Variants in ATXN8OS observed in about 807,000 individuals in gnomAD.
ATXN8OS encodes ATXN8 opposite strand (non-protein coding).
intron 1 of ATXN8OS, among the ~76,000 whole-genome samples, chr13:70,111,995 T>C (rs1222361635): frequency 6.6e-6 from 1 of 152,196 alleles, no homozygotes; most frequent in East Asian, 1.9e-4. Flanking sequence ...AAAATAAGTT[T>C]AATCAGCTCA....
chr13:70,150,017 C>A (rs1373811034), intron 4 of ATXN8OS, among the ~76,000 whole-genome samples: 1 of 152,096 alleles, frequency 6.6e-6, no homozygotes, highest in African/African-American at 2.4e-5. Flanking sequence ...TCACAGACAA[C>A]CTTCTATGGC....
chr13:70,168,499 C>T (rs141549488), intron 4 of ATXN8OS, among the ~76,000 whole-genome samples: 1 of 151,938 alleles, frequency 6.6e-6, no homozygotes, highest in African/African-American at 2.4e-5. Flanking sequence ...CATGAACCAA[C>T]TTCTCTTTAT....
At chr13:70,131,053 T>C (rs1888526022) in intron 3 of ATXN8OS, 1 of 398,390 alleles carries the variant, frequency 2.5e-6, no homozygotes, top group African/African-American at 2.1e-5. Flanking sequence ...CAGGTGATTA[T>C]TCTTTGACCA....
chr13:70,111,159 C>G (rs1888194454), intron 1 of ATXN8OS, among the ~76,000 whole-genome samples: 1 of 152,138 alleles, frequency 6.6e-6, no homozygotes, highest in Admixed American at 6.6e-5. Context: ...ATACAAAACT[C>G]TTCGCATAAG....
At chr13:70,160,318 T>A (rs1009408124) in intron 4 of ATXN8OS, among the ~76,000 whole-genome samples, 1 of 152,114 alleles carries the variant, frequency 6.6e-6, no homozygotes, top group Admixed American at 6.6e-5. Context: ...AATTTTGGTT[T>A]ATCATTATAA....
intron 3 of ATXN8OS, among the ~76,000 whole-genome samples, chr13:70,140,303 GGAGT>G (rs1447517950): frequency 5.9e-5 from 9 of 152,058 alleles, no homozygotes; most frequent in East Asian, 1.9e-4. Flanking sequence ...AAAAGTTACT[GGAGT>G]AAGTATTCGA....
At chr13:70,149,519 T>C (rs1418183124) in intron 4 of ATXN8OS, among the ~76,000 whole-genome samples, 2 of 152,124 alleles carry the variant, frequency 1.3e-5, no homozygotes, top group East Asian at 3.8e-4. Flanking sequence ...GAAGAAACTG[T>C]TTCCTGGAAT....
At chr13:70,170,579 C>A (rs1230057013) in exon 5 of ATXN8OS, among the ~76,000 whole-genome samples, 1 of 152,092 alleles carries the variant, frequency 6.6e-6, no homozygotes, top group South Asian at 2.1e-4. Context: ...ACAACCTAAC[C>A]ATCTCAAGGG....
chr13:70,130,583 A>G, intron 3 of ATXN8OS: 1 of 397,334 alleles, frequency 2.5e-6, no homozygotes, highest in Non-Finnish European at 4.4e-6. Flanking sequence ...TGAGATACCA[A>G]TGGTGGGTGT....
chr13:70,123,384 C>T (rs1014776255), intron 2 of ATXN8OS, among the ~76,000 whole-genome samples: 2 of 152,034 alleles, frequency 1.3e-5, no homozygotes, highest in African/African-American at 4.8e-5. Context: ...TCTCTAGTCA[C>T]TAGAGTGAAT....
At chr13:70,138,257 C>T (rs1223080583) in intron 3 of ATXN8OS, among the ~76,000 whole-genome samples, 1 of 151,890 alleles carries the variant, frequency 6.6e-6, no homozygotes, top group Non-Finnish European at 1.5e-5. Flanking sequence ...AATTCAGTTA[C>T]TTGTACCTTC....
intron 4 of ATXN8OS, among the ~76,000 whole-genome samples, chr13:70,166,640 A>T (rs1889079833): frequency 6.6e-6 from 1 of 152,156 alleles, no homozygotes; most frequent in African/African-American, 2.4e-5. Context: ...CACCAAAAGC[A>T]ATGGCAACAA....
chr13:70,147,931 G>C (rs1888809563), intron 4 of ATXN8OS, among the ~76,000 whole-genome samples: 2 of 152,184 alleles, frequency 1.3e-5, no homozygotes, highest in African/African-American at 2.4e-5. Flanking sequence ...ATTTGGCCCA[G>C]AAAGGTGGAA....
rs769469287 is a variant in ATXN8OS at position 70,129,865 on chromosome 13, C to T, written n.480C>T. 1.0e-3 allele frequency: 416 copies of T among 398,392 alleles called. 2 individuals are homozygous for T. Among genetic ancestry groups the T allele is most frequent in the Middle Eastern group, 1.3e-3 (2 of 1,584 alleles). 24.7% of individuals were successfully genotyped at this position (398,392 alleles called of 1,614,324 possible). A position where few individuals can be genotyped will look rare whatever the true frequency, so the allele number is the denominator to read the frequency against. The stretch of plus-strand genomic sequence containing the variant: ...TTGAAGTGTTGAGAAGAGAATGGCT[C>T]AGAGTCAAGCGGGAACAAGGTAAAA... On this transcript the variant is annotated non_coding_transcript_exon_variant, in exon 3 of 5. Coordinates refer to ENST00000678624, the Ensembl canonical transcript of ATXN8OS.
At chr13:70,150,392 G>T (rs1888851439) in intron 4 of ATXN8OS, among the ~76,000 whole-genome samples, 1 of 152,032 alleles carries the variant, frequency 6.6e-6, no homozygotes, top group Admixed American at 6.6e-5. Flanking sequence ...CAATTGCCTA[G>T]GAATATATTA....
chr13:70,131,884 G>C (rs1212945044), intron 3 of ATXN8OS, among the ~76,000 whole-genome samples: 1 of 152,056 alleles, frequency 6.6e-6, no homozygotes, highest in East Asian at 1.9e-4. Context: ...CAAAATAGGT[G>C]CCAAAATATC....
At chr13:70,141,235 C>T (rs973158055) in intron 3 of ATXN8OS, among the ~76,000 whole-genome samples, 2 of 151,962 alleles carry the variant, frequency 1.3e-5, no homozygotes, top group Admixed American at 6.6e-5. Flanking sequence ...CTTTCGTCAT[C>T]GATATATTTT....
exon 1 of ATXN8OS, chr13:70,107,990 G>A (rs1229534327): frequency 6.7e-6 from 3 of 445,418 alleles, no homozygotes; most frequent in African/African-American, 6.1e-5. Flanking sequence ...AATCCTCGAT[G>A]CCCGCGCGAG....
At chr13:70,165,877 T>C (rs1001734653) in intron 4 of ATXN8OS, among the ~76,000 whole-genome samples, 2 of 151,934 alleles carry the variant, frequency 1.3e-5, no homozygotes, top group Non-Finnish European at 2.9e-5. Context: ...AAAATAATAA[T>C]ACAATGAATA....
Sources: allele counts gnomAD v4.1 joint callset (sites outside exome capture counted in the v4.1 genomes callset), GRCh38; gene constraint gnomAD v4.1.1; transcripts MANE v1.5; gene names NCBI Gene and HGNC (gene_info 2026-07-23, HGNC 2026-07-21).